CALN1: variants seen among roughly 807,000 people sequenced by gnomAD.
CALN1 encodes the protein calcium-binding protein 8.
In CALN1, 17 loss-of-function variants were observed where a neutral mutation model predicts 30.6. The observed-to-expected ratio is 0.56, with a 90% CI of 0.38 to 0.83. The LOEUF (loss-of-function observed/expected upper bound fraction) is 0.83. Among genes scored for constraint, CALN1 ranks in the 40% least tolerant of loss-of-function variants. The pLI, the probability that CALN1 is intolerant of heterozygous loss-of-function variation, is 0.00. For synonymous variants in CALN1, 156 were observed against 131.4 expected (o/e 1.19, Z -1.28); for missense variants, 291 against 354.9 (o/e 0.82, Z 1.45).
chr7:72,488,425 T>C, the CALN1 span, among the ~76,000 whole-genome samples: 3 of 152,080 alleles, frequency 2.0e-5, no homozygotes, highest in Admixed American at 2.0e-4. Context: ...ACTAATACTT[T>C]GGGAATTGAT....
intron 4 of CALN1, among the ~76,000 whole-genome samples, chr7:72,030,890 G>A (rs1584783127): frequency 6.6e-6 from 1 of 152,038 alleles, no homozygotes; most frequent in East Asian, 1.9e-4. Flanking sequence ...GGAACTACAG[G>A]AGCATGCCAT....
At chr7:71,856,729 C>T (rs2116629544) in intron 5 of CALN1, among the ~76,000 whole-genome samples, 1 of 152,106 alleles carries the variant, frequency 6.6e-6, no homozygotes, top group East Asian at 1.9e-4. Flanking sequence ...CTGAGGTGGG[C>T]AGATCACTTG....
At chr7:71,807,842 G>A (rs111645685) in intron 6 of CALN1, among the ~76,000 whole-genome samples, 73 of 152,252 alleles carry the variant, frequency 4.8e-4, no homozygotes, top group East Asian at 2.9e-3. Flanking sequence ...TTGGGAGGCC[G>A]AGGTGGGCGG....
chr7:72,252,046 TG>T (rs1477220786), intron 3 of CALN1, among the ~76,000 whole-genome samples: 1 of 152,060 alleles, frequency 6.6e-6, no homozygotes, highest in East Asian at 1.9e-4. Context: ...TAAATCTTAA[TG>T]CGTCCCCAAA....
intron 2 of CALN1, among the ~76,000 whole-genome samples, chr7:72,301,757 C>T (rs1039678965): frequency 7.9e-5 from 12 of 152,208 alleles, no homozygotes; most frequent in Non-Finnish European, 1.5e-4. Context: ...ATGAAGCCTA[C>T]TGGTCAACAT....
intron 2 of CALN1, among the ~76,000 whole-genome samples, chr7:72,286,613 G>A (rs1356077813): frequency 1.3e-5 from 2 of 152,194 alleles, no homozygotes; most frequent in Non-Finnish European, 2.9e-5. Context: ...CTCAACAAAG[G>A]CCAGCTAGAC....
chr7:71,952,742 A>G (rs747159949), intron 5 of CALN1, among the ~76,000 whole-genome samples: 14 of 151,982 alleles, frequency 9.2e-5, no homozygotes, highest in Non-Finnish European at 2.1e-4. Flanking sequence ...AATCTGCTGA[A>G]TTCTTTTTTC....
At chr7:72,055,948 C>G (rs1421160527) in intron 4 of CALN1, among the ~76,000 whole-genome samples, 1 of 152,130 alleles carries the variant, frequency 6.6e-6, no homozygotes, top group East Asian at 1.9e-4. Context: ...TTGAGCTCAG[C>G]AGCTGAGGCT....
chr7:71,996,597 G>A (rs1169372133), intron 5 of CALN1, among the ~76,000 whole-genome samples: 3 of 152,178 alleles, frequency 2.0e-5, no homozygotes, highest in East Asian at 3.9e-4. Context: ...ATTCCGTGGT[G>A]TATATGTACC....
At chr7:72,209,656 GA>G (rs924088086) in intron 3 of CALN1, among the ~76,000 whole-genome samples, 2 of 151,794 alleles carry the variant, frequency 1.3e-5, no homozygotes, top group African/African-American at 2.4e-5. Flanking sequence ...CATCACCTCA[GA>G]AAAAAAGAAA....
intron 2 of CALN1, among the ~76,000 whole-genome samples, chr7:72,359,037 T>C (rs1026536786): frequency 2.0e-5 from 3 of 152,038 alleles, no homozygotes; most frequent in Admixed American, 6.6e-5. Flanking sequence ...CATCCTTTTT[T>C]CTTCTTCCCC....
intron 3 of CALN1, among the ~76,000 whole-genome samples, chr7:72,273,648 G>C (rs1468407127): frequency 1.3e-5 from 2 of 151,632 alleles, no homozygotes; most frequent in Non-Finnish European, 2.9e-5. Context: ...CCTCACAAGT[G>C]GTGGGGACTA....
intron 5 of CALN1, among the ~76,000 whole-genome samples, chr7:71,865,382 C>T (rs1177445738): frequency 6.6e-6 from 1 of 152,222 alleles, no homozygotes; most frequent in Non-Finnish European, 1.5e-5. Context: ...CATGGCCTTC[C>T]GCCATGACTG....
rs773947962 is a variant in CALN1, at chr7:72,333,981, A to C, written c.120-55171T>G. Among the ~76,000 whole-genome samples the C allele has an allele frequency of 2.1e-4, 32 of 152,222 alleles. 1 individual carries two copies. The highest frequency in any genetic ancestry group is 1.9e-3 in the South Asian group (9 of 4,824). The stretch of plus-strand genomic sequence containing the variant: ...ACTTTTCCTAAGGAAGCAATGTGGA[A>C]AGTGCCCCGCACATAGGATCGAAAC... On this transcript the variant is annotated intron_variant, in intron 2 of 6. Coordinates refer to ENST00000395275, the MANE Select transcript of CALN1 (RefSeq NM_031468.4).
At chr7:71,843,851 G>A (rs1353518239) in intron 5 of CALN1, among the ~76,000 whole-genome samples, 1 of 152,142 alleles carries the variant, frequency 6.6e-6, no homozygotes, top group Admixed American at 6.5e-5. Context: ...TTTCTTCTCT[G>A]ACAGTGACTG....
At chr7:72,364,630 C>T (rs1283605164) in intron 2 of CALN1, among the ~76,000 whole-genome samples, 1 of 152,066 alleles carries the variant, frequency 6.6e-6, no homozygotes, top group African/African-American at 2.4e-5. Context: ...CGGAAACAGA[C>T]AAACATAGAT....
chr7:72,351,694 A>G (rs1802931752), intron 2 of CALN1, among the ~76,000 whole-genome samples: 1 of 152,222 alleles, frequency 6.6e-6, no homozygotes, highest in African/African-American at 2.4e-5. Flanking sequence ...GAGATACAGC[A>G]AATAAGCCAA....
chr7:72,389,937 AAAG>A (rs997581628), intron 2 of CALN1, among the ~76,000 whole-genome samples: 4 of 151,302 alleles, frequency 2.6e-5, no homozygotes, highest in Non-Finnish European at 4.4e-5. Context: ...TAAAAAAAAA[AAAG>A]AAGAAAGAAA....
At chr7:72,228,375 G>A (rs889640787) in intron 3 of CALN1, among the ~76,000 whole-genome samples, 3 of 151,698 alleles carry the variant, frequency 2.0e-5, no homozygotes, top group Non-Finnish European at 2.9e-5. Flanking sequence ...ACTGGGTTGA[G>A]AGCTCCTCAC....
Sources: allele counts gnomAD v4.1 joint callset (sites outside exome capture counted in the v4.1 genomes callset), GRCh38; gene constraint gnomAD v4.1.1; transcripts MANE v1.5; gene names NCBI Gene and HGNC (gene_info 2026-07-23, HGNC 2026-07-21).